SNTB1: variants seen among roughly 807,000 people sequenced by gnomAD.
SNTB1 encodes syntrophin beta 1, also known as beta-1-syntrophin.
In SNTB1, 36 loss-of-function variants were observed where a neutral mutation model predicts 48.9. The observed-to-expected ratio is 0.74, with a 90% confidence interval of 0.56 to 0.97. The LOEUF (loss-of-function observed/expected upper bound fraction) is 0.97, where lower values mean the gene tolerates loss of function less well. Among genes scored for constraint, SNTB1 ranks in the 50% least tolerant of loss-of-function variants. The pLI is 0.00. For synonymous variants in SNTB1, 299 were observed against 294.6 expected (o/e 1.01, Z -0.15); for missense variants, 786 against 703.4 (o/e 1.12, Z -1.33).
intron 1 of SNTB1, among the ~76,000 whole-genome samples, chr8:120,703,760 G>A (rs752137813): frequency 6.6e-6 from 1 of 152,150 alleles, no homozygotes; most frequent in African/African-American, 2.4e-5. Flanking sequence ...CAGGCAGAAG[G>A]CCAGGGTGGA....
intron 1 of SNTB1, among the ~76,000 whole-genome samples, chr8:120,706,760 A>T (rs901226961): frequency 6.6e-6 from 1 of 152,206 alleles, no homozygotes; most frequent in Non-Finnish European, 1.5e-5. Flanking sequence ...TATCTCTGGA[A>T]GATAAAACTC....
At chr8:120,676,979 G>A (rs958294584) in intron 2 of SNTB1, among the ~76,000 whole-genome samples, 1 of 151,620 alleles carries the variant, frequency 6.6e-6, no homozygotes, top group South Asian at 2.1e-4. Context: ...TGGGAGAATC[G>A]CTGGAGCCCA....
At chr8:120,763,604 A>G (rs182566467) in intron 1 of SNTB1, among the ~76,000 whole-genome samples, 1 of 152,330 alleles carries the variant, frequency 6.6e-6, no homozygotes, top group Admixed American at 6.5e-5. Context: ...TTTTTTCTGC[A>G]TGAAAAATAC....
intron 4 of SNTB1, among the ~76,000 whole-genome samples, chr8:120,551,809 A>G (rs1815486470): frequency 6.6e-6 from 1 of 151,930 alleles, no homozygotes; most frequent in Non-Finnish European, 1.5e-5. Flanking sequence ...AGAAACTAGC[A>G]TATGGTTTGT....
At chr8:120,614,274 C>A (rs1816672197) in intron 3 of SNTB1, among the ~76,000 whole-genome samples, 1 of 152,182 alleles carries the variant, frequency 6.6e-6, no homozygotes. Flanking sequence ...AAACAGCTAT[C>A]CTTAGTAGCC....
chr8:120,794,981 G>A (rs796967829), intron 1 of SNTB1, among the ~76,000 whole-genome samples: 1 of 151,898 alleles, frequency 6.6e-6, no homozygotes, highest in African/African-American at 2.4e-5. Flanking sequence ...TGGCTGAAAG[G>A]CTATAATTTT....
rs138674806 is a variant in SNTB1 at position 120,642,648 on chromosome 8, C to CA, written c.789-9998dup. On this transcript the variant is annotated intron_variant, in intron 2 of 6. Coordinates refer to ENST00000517992, the MANE Select transcript of SNTB1 (RefSeq NM_021021.4). ...AAATTCCAGGCCAGCCACAGTGACT[C>CA]ATGCCTGTGATCCCAGCACTTTGGG... Among the ~76,000 whole-genome samples the CA allele has an allele frequency of 5.5e-4, 84 of 152,286 alleles. 1 individual carries two copies. The highest frequency in any genetic ancestry group is 1.9e-3 in the African/African-American group (80 of 41,562).
intron 2 of SNTB1, chr8:120,635,754 CT>C (rs1240431693): frequency 9.7e-6 from 2 of 206,064 alleles, no homozygotes; most frequent in African/African-American, 4.7e-5. Flanking sequence ...TCTCTGTCCC[CT>C]GTTAGTCTTT....
rs1207572613 is a variant in SNTB1, at chr8:120,603,971, C to T, written c.996+28473G>A. On this transcript the variant is annotated intron_variant, in intron 3 of 6. Coordinates refer to ENST00000517992, the MANE Select transcript of SNTB1 (RefSeq NM_021021.4). ...AGTAGGGACTAAGAGACTTGTCAGG[C>T]CAAGGCTTTGTCAAAAGGAATCCTG... 4.6e-5 allele frequency among the ~76,000 whole-genome samples: 7 copies of T among 152,242 alleles called. No individual in the cohort carries two copies. In the East Asian group the frequency reaches 9.7e-4, roughly 21 times the overall value.
chr8:120,574,267 T>TTC (rs1278999482), intron 4 of SNTB1, among the ~76,000 whole-genome samples: 8 of 152,322 alleles, frequency 5.3e-5, no homozygotes, highest in African/African-American at 1.9e-4. Context: ...GCAAGTTGAA[T>TTC]AAGTTCTAGA....
intron 1 of SNTB1, among the ~76,000 whole-genome samples, chr8:120,732,764 T>C (rs573316625): frequency 9.8e-5 from 15 of 152,296 alleles, no homozygotes; most frequent in Non-Finnish European, 2.2e-4. Flanking sequence ...GAGAATCATT[T>C]GAACCCACGA....
At chr8:120,780,783 C>T (rs1241899791) in intron 1 of SNTB1, among the ~76,000 whole-genome samples, 1 of 152,298 alleles carries the variant, frequency 6.6e-6, no homozygotes, top group Admixed American at 6.5e-5. Flanking sequence ...AGCACCATAC[C>T]TGTTAACTAT....
chr8:120,714,411 A>C (rs1426484569), intron 1 of SNTB1, among the ~76,000 whole-genome samples: 1 of 152,228 alleles, frequency 6.6e-6, no homozygotes, highest in Non-Finnish European at 1.5e-5. Context: ...TCCATTTCAC[A>C]GAAGGTGATT....
chr8:120,798,704 C>T (rs1163007022), intron 1 of SNTB1, among the ~76,000 whole-genome samples: 1 of 151,964 alleles, frequency 6.6e-6, no homozygotes, highest in Non-Finnish European at 1.5e-5. Context: ...ATAGGTGGCC[C>T]AAAATATTGT....
intron 1 of SNTB1, among the ~76,000 whole-genome samples, chr8:120,723,251 T>C (rs1818697013): frequency 6.6e-6 from 1 of 152,198 alleles, no homozygotes; most frequent in Non-Finnish European, 1.5e-5. Context: ...TGTTATGTTG[T>C]TGCTATATGA....
chr8:120,724,291 C>A (rs1394232186), intron 1 of SNTB1, among the ~76,000 whole-genome samples: 1 of 152,198 alleles, frequency 6.6e-6, no homozygotes, highest in Non-Finnish European at 1.5e-5. Context: ...TGGGCCCAGG[C>A]CTGCCTGCTT....
intron 2 of SNTB1, 58 bp from the exon 3 acceptor site, chr8:120,632,709 G>T: frequency 4.2e-6 from 6 of 1,438,360 alleles, no homozygotes; most frequent in Non-Finnish European, 4.9e-6. Flanking sequence ...GCTTCGTCAA[G>T]ATCTGGGTCA....
At chr8:120,580,347 A>G (rs1418583076) in intron 3 of SNTB1, among the ~76,000 whole-genome samples, 1 of 152,244 alleles carries the variant, frequency 6.6e-6, no homozygotes, top group Non-Finnish European at 1.5e-5. Flanking sequence ...GGACGTGAAC[A>G]GCTTACTTAA....
chr8:120,659,351 CT>C (rs377390536), intron 2 of SNTB1, among the ~76,000 whole-genome samples: 1 of 151,734 alleles, frequency 6.6e-6, no homozygotes, highest in South Asian at 2.1e-4. Flanking sequence ...CAAGAAGCCA[CT>C]TTTTTTTTGC....
Sources: allele counts gnomAD v4.1 joint callset (sites outside exome capture counted in the v4.1 genomes callset), GRCh38; gene constraint gnomAD v4.1.1; transcripts MANE v1.5; gene names NCBI Gene and HGNC (gene_info 2026-07-23, HGNC 2026-07-21).